Variants in PCDHGA3 observed in about 807,000 individuals in gnomAD.
The protein encoded by PCDHGA3 is protocadherin gamma-A3.
A neutral mutation model predicts 58.5 loss-of-function variants in PCDHGA3; 40 were observed. That is an observed-to-expected ratio of 0.68 (90% CI 0.53 to 0.89). The LOEUF is 0.89. Ranked by LOEUF, PCDHGA3 falls within the 40% of genes least tolerant of loss-of-function variation. The pLI, the probability that PCDHGA3 is intolerant of heterozygous loss-of-function variation, is 0.00. For missense variants in PCDHGA3, 1,223 were observed against 1,195.9 expected (o/e 1.02, Z -0.33); for synonymous variants, 530 against 525.7 (o/e 1.01, Z -0.11).
Position 141,486,098 on chromosome 5 carries a change from G to A in PCDHGA3, c.2425-8709G>A, listed in dbSNP as rs1211678224. ...AAAGCTTACTCTTTTGGGGCCCCTA[G>A]ACTTTGAGAGTGAGAATTACTATGA... On this transcript the variant is annotated intron_variant, in intron 1 of 3. Transcript: ENST00000253812. This position sits in a 1 kb window ranked among gnomAD's most constrained non-coding sequence, Gnocchi z 5.0. 5.0e-6 allele frequency: 8 copies of A among 1,614,032 alleles called. No homozygotes were observed. Among genetic ancestry groups the A allele is most frequent in the Admixed American group, 3.3e-5 (2 of 59,994 alleles).
chr5:141,384,818 A>G, intron 1 of PCDHGA3: 1 of 1,613,488 alleles, frequency 6.2e-7, no homozygotes, highest in East Asian at 2.2e-5. Context: ...GCCCTCAAGC[A>G]GAGCCTCGTG....
intron 1 of PCDHGA3, chr5:141,414,590 G>C (rs1287207695): frequency 1.2e-6 from 2 of 1,613,936 alleles, no homozygotes; most frequent in South Asian, 1.1e-5. Flanking sequence ...AACGCCAGGG[G>C]TGCCTCCATC....
chr5:141,351,929 C>T, intron 1 of PCDHGA3: 2 of 1,613,302 alleles, frequency 1.2e-6, no homozygotes, highest in East Asian at 2.2e-5. Context: ...CAATGCGCCA[C>T]GGGTGCTGTA....
At chr5:141,355,416 G>A in intron 1 of PCDHGA3, 1 of 1,614,086 alleles carries the variant, frequency 6.2e-7, no homozygotes, top group Non-Finnish European at 8.5e-7. Context: ...GAGGTAGGAC[G>A]CAGCTTTTCG....
intron 1 of PCDHGA3, chr5:141,468,346 AAAAG>A (rs2099164910): frequency 6.8e-6 from 1 of 147,210 alleles, no homozygotes; most frequent in South Asian, 2.2e-4. Flanking sequence ...AAAAAAAAAA[AAAAG>A]AAAGAAAAAA....
In PCDHGA3 at chr5:141,432,373, G is replaced by T; in HGVS notation, c.2425-62434G>T. ...TGAAAGTGATGGCGCGGGACAACGG[G>T]CACCCGCCCCTCAGCAGCAACGTGT... is the stretch of plus-strand genomic sequence containing the variant. On this transcript the variant is annotated intron_variant, in intron 1 of 3. Coordinates refer to ENST00000253812, the MANE Select transcript of PCDHGA3 (RefSeq NM_018916.4). This position sits in a 1 kb window ranked among gnomAD's most constrained non-coding sequence, Gnocchi z 6.0. The T allele has an allele frequency of 6.2e-7, 1 of 1,614,206 alleles. No homozygotes were observed. The highest frequency in any genetic ancestry group is 1.1e-5 in the South Asian group (1 of 91,082).
At chr5:141,394,195 T>A (rs930890690) in intron 1 of PCDHGA3, 1 of 1,613,768 alleles carries the variant, frequency 6.2e-7, no homozygotes, top group Non-Finnish European at 8.5e-7. Context: ...TCAGCGTATA[T>A]CCTAGAGAAC....
intron 1 of PCDHGA3, chr5:141,492,018 G>A: frequency 1.7e-6 from 1 of 585,594 alleles, no homozygotes; most frequent in Admixed American, 3.7e-5. Flanking sequence ...GGGTGTCGGG[G>A]GTCCCGGGAG....
chr5:141,387,560 C>A, intron 1 of PCDHGA3: 1 of 421,856 alleles, frequency 2.4e-6, no homozygotes, highest in East Asian at 3.8e-5. Context: ...CAGTTAGGCA[C>A]ACAATTATAA....
rs533686455 is a variant in PCDHGA3, at chr5:141,369,964, G to A, written c.2424+23507G>A. Among the ~76,000 whole-genome samples the A allele has an allele frequency of 3.5e-4, 53 of 152,298 alleles. No homozygotes were observed. The East Asian group carries it at 5.2e-3, about 15-fold the overall frequency. ...CAAGATTATCTCTGCCCTTTGACAA[G>A]TAAAAGGTACTTGATTTGGATGGAT... On this transcript the variant is annotated intron_variant, in intron 1 of 3. Coordinates refer to ENST00000253812, the MANE Select transcript of PCDHGA3 (RefSeq NM_018916.4).
At chr5:141,350,349 A>G in intron 1 of PCDHGA3, 1 of 1,559,220 alleles carries the variant, frequency 6.4e-7, no homozygotes, top group Non-Finnish European at 8.7e-7. Flanking sequence ...ATCTCCCAGC[A>G]GATCCGATAC....
rs2096144450 is a variant in PCDHGA3 at position 141,417,665 on chromosome 5, T to C, written c.2424+71208T>C. On this transcript the variant is annotated intron_variant, in intron 1 of 3. Coordinates refer to ENST00000253812, the MANE Select transcript of PCDHGA3 (RefSeq NM_018916.4). ...CCTCAGCCTCTAGCCTGGGATTCCCTGCGCAGCCAACAACAGAAAAGAAAA... is the reference window on the plus strand; with the variant it reads ...CCTCAGCCTCTAGCCTGGGATTCCCCGCGCAGCCAACAACAGAAAAGAAAA... 3.3e-6 allele frequency: 3 copies of C among 915,730 alleles called. No individual in the cohort carries two copies. In the South Asian group the frequency reaches 5.8e-5, roughly 18 times the overall value. 56.7% of individuals were successfully genotyped at this position (915,730 alleles called of 1,614,324 possible).
chr5:141,353,507 A>C (rs1448404688), intron 1 of PCDHGA3, among the ~76,000 whole-genome samples: 1 of 152,208 alleles, frequency 6.6e-6, no homozygotes, highest in Non-Finnish European at 1.5e-5. Flanking sequence ...CACAAGTAGC[A>C]AATATTGTCC....
chr5:141,345,256 C>T lies in PCDHGA3; in HGVS notation c.1223C>T (p.Thr408Ile). The T allele has an allele frequency of 6.2e-7, 1 of 1,613,988 alleles. No individual in the cohort carries two copies. Among genetic ancestry groups the T allele is most frequent in the Non-Finnish European group, 8.5e-7 (1 of 1,179,904 alleles). ...IDQYYRLVTATSLDREQISEY... is the reference protein window; with the variant it reads ...IDQYYRLVTAISLDREQISEY... The stretch of plus-strand genomic sequence containing the variant: ...CAATATTACCGCTTAGTGACGGCCA[C>T]ATCCCTGGACCGCGAACAAATATCA... The change falls in exon 1 of 4, where the codon ACA (threonine) becomes ATA (isoleucine). Residue 408 changes from threonine (T) to isoleucine (I), a missense_variant. Physicochemically the swap from Thr to Ile is moderately conservative, Grantham distance 89. Coordinates refer to ENST00000253812, the MANE Select transcript of PCDHGA3 (RefSeq NM_018916.4).
intron 3 of PCDHGA3, among the ~76,000 whole-genome samples, chr5:141,509,056 G>A (rs1303823294): frequency 1.3e-5 from 2 of 152,178 alleles, no homozygotes; most frequent in Admixed American, 6.5e-5. Context: ...CCCCCAGAAA[G>A]CTCTCAGCTC....
At chr5:141,352,674 G>C (rs1759076156) in intron 1 of PCDHGA3, 1 of 1,575,506 alleles carries the variant, frequency 6.3e-7, no homozygotes, top group Non-Finnish European at 8.6e-7. Flanking sequence ...TCGCACGTGA[G>C]TTTCTGCAAA....
intron 1 of PCDHGA3, chr5:141,398,610 T>C: frequency 6.2e-7 from 1 of 1,614,020 alleles, no homozygotes. Context: ...AAGATGCAGA[T>C]ATTGGCTTAA....
At chr5:141,424,080 C>T (rs2096798143) in intron 1 of PCDHGA3, 1 of 970,378 alleles carries the variant, frequency 1.0e-6, no homozygotes, top group Admixed American at 6.0e-5. Context: ...AGTTATATTC[C>T]ACCATTATTT....
intron 1 of PCDHGA3, chr5:141,382,870 C>A (rs760530453): frequency 2.0e-6 from 3 of 1,519,788 alleles, no homozygotes; most frequent in East Asian, 4.5e-5. Flanking sequence ...TTCCCGAGAT[C>A]GGCGCCTAAG....
Sources: gnomAD v4.1 joint callset for allele counts (sites outside exome capture counted in the v4.1 genomes callset) on GRCh38, gnomAD v4.1.1 for gene constraint, Gnocchi (gnomAD v3.1) non-coding constraint, MANE v1.5 for transcripts, NCBI Gene and HGNC (gene_info 2026-07-23, HGNC 2026-07-21) for gene names.